The following KCNH8 variants were observed in gnomAD, a reference collection of about 807,000 sequenced individuals.
The protein encoded by KCNH8 is potassium voltage-gated channel subfamily H member 8, also known as voltage-gated delayed rectifier potassium channel KCNH8.
In KCNH8, 70 loss-of-function variants were observed where a neutral mutation model predicts 103.6. The observed-to-expected ratio is 0.68, with a 90% CI of 0.56 to 0.82. The LOEUF (loss-of-function observed/expected upper bound fraction) is 0.82. KCNH8 is among the 40% of genes least tolerant of loss of function. The pLI, the probability that KCNH8 is intolerant of heterozygous loss-of-function variation, is 0.00. For missense variants in KCNH8, 1,217 were observed against 1,329.9 expected, an observed-to-expected ratio of 0.92 and a Z score of 1.32; for synonymous variants, 498 against 489.4, an observed-to-expected ratio of 1.02 and a Z score of -0.23.
Position 19,326,356 on chromosome 3 carries a change from A to AATATATATATATATATATATATATATAT in KCNH8, c.443-16204_443-16203insTATATATATATATATATATATATATATA, listed in dbSNP as rs34714826. ...ACCCCTGAACTTACAATGAAAGTTA[A>AATATATATATATATATATATATATATAT]ATATATATATATATATATATATATA... is the stretch of plus-strand genomic sequence containing the variant. On this transcript the variant is annotated intron_variant, in intron 3 of 15. Transcript: ENST00000328405. 8.1e-4 allele frequency among the ~76,000 whole-genome samples: 110 copies of AATATATATATATATATATATATATATAT among 135,720 alleles called. 1 individual carries two copies. Among genetic ancestry groups the AATATATATATATATATATATATATATAT allele is most frequent in the East Asian group, 1.6e-3 (7 of 4,282 alleles). 89.0% of individuals were successfully genotyped at this position (135,720 alleles called of 152,430 possible).
At chr3:19,221,912 A>G (rs1225237782) in intron 1 of KCNH8, among the ~76,000 whole-genome samples, 1 of 150,834 alleles carries the variant, frequency 6.6e-6, no homozygotes, top group East Asian at 1.9e-4. Context: ...CAATGGCACG[A>G]TGTTGGCTCA....
At chr3:19,345,149 T>A (rs1056777395) in intron 4 of KCNH8, among the ~76,000 whole-genome samples, 2 of 152,116 alleles carry the variant, frequency 1.3e-5, no homozygotes, top group African/African-American at 4.8e-5. Context: ...CTTCCTTGAT[T>A]GTTATTCTGT....
intron 4 of KCNH8, among the ~76,000 whole-genome samples, chr3:19,343,972 T>TGGAG (rs58189684): frequency 0.62 from 92,306 of 149,764 alleles, 29,140 homozygotes; most frequent in African/African-American, 0.77. Context: ...TGTACCACTG[T>TGGAG]GGTCACGCTT....
At chr3:19,178,077 A>G (rs766485736) in intron 1 of KCNH8, among the ~76,000 whole-genome samples, 6 of 152,100 alleles carry the variant, frequency 3.9e-5, no homozygotes, top group Non-Finnish European at 8.8e-5. Context: ...CCTTCTAGCG[A>G]CACTGAATAG....
chr3:19,319,307 T>C (rs2125302669), intron 3 of KCNH8, among the ~76,000 whole-genome samples: 1 of 152,228 alleles, frequency 6.6e-6, no homozygotes, highest in South Asian at 2.1e-4. Flanking sequence ...GGTTTTACAT[T>C]TAAGTATTTG....
chr3:19,268,921 A>G (rs1032330826), intron 2 of KCNH8, among the ~76,000 whole-genome samples: 4 of 152,148 alleles, frequency 2.6e-5, no homozygotes, highest in African/African-American at 7.2e-5. Context: ...AGATTTGGCA[A>G]TATCTTTACT....
intron 11 of KCNH8, 145 bp downstream of exon 11, chr3:19,457,127 TA>T (rs1009661794): frequency 3.0e-5 from 17 of 562,330 alleles, no homozygotes; most frequent in Non-Finnish European, 4.4e-5. Flanking sequence ...GTTAAGCAAT[TA>T]AATAATTAGC....
chr3:19,357,683 T>C (rs1447996410), intron 5 of KCNH8, among the ~76,000 whole-genome samples: 1 of 151,890 alleles, frequency 6.6e-6, no homozygotes, highest in Non-Finnish European at 1.5e-5. Context: ...TGCCATAAAG[T>C]TGTATCTCTG....
intron 1 of KCNH8, among the ~76,000 whole-genome samples, chr3:19,221,230 G>A (rs111628613): frequency 6.6e-6 from 1 of 152,140 alleles, no homozygotes; most frequent in African/African-American, 2.4e-5. Context: ...GAATAAATGG[G>A]CTTGCAAGAT....
In KCNH8 at chr3:19,491,367, C is replaced by T. The variant is rs117678556; in HGVS notation, c.2041-18996C>T. ...TAGCAGTCCCCAGTGTTTATTATTC[C>T]TATGTTTATGTACATGTGTACTCAT... On this transcript the variant is annotated intron_variant, in intron 11 of 15. Coordinates refer to ENST00000328405, the MANE Select transcript of KCNH8 (RefSeq NM_144633.3). Among the ~76,000 whole-genome samples, 367 of 152,232 alleles carry T rather than the reference C, an allele frequency of 2.4e-3. 8 individuals carry two copies. In the East Asian group the frequency reaches 0.065, roughly 27 times the overall value.
intron 1 of KCNH8, among the ~76,000 whole-genome samples, chr3:19,235,695 T>C (rs904631250): frequency 2.0e-5 from 3 of 152,232 alleles, no homozygotes; most frequent in African/African-American, 7.2e-5. Flanking sequence ...TAGTGGATTT[T>C]TCTTAAAAAA....
intron 11 of KCNH8, among the ~76,000 whole-genome samples, chr3:19,503,492 A>G (rs780712625): frequency 8.5e-5 from 13 of 152,204 alleles, no homozygotes; most frequent in African/African-American, 2.2e-4. Context: ...TGTTTATTGC[A>G]GCATTATCCA....
Position 19,505,362 on chromosome 3 carries a change from T to G in KCNH8, c.2041-5001T>G, listed in dbSNP as rs182217993. Among the ~76,000 whole-genome samples the G allele has an allele frequency of 9.9e-5, 15 of 152,206 alleles. No homozygotes were observed. The East Asian group carries it at 2.9e-3, about 29-fold the overall frequency. On this transcript the variant is annotated intron_variant, in intron 11 of 15. Transcript: ENST00000328405. ...AAAATATAATAGGTACTAGGCTTAG[T>G]ACATGGGGAATGAAATAATCTGTAC...
chr3:19,419,509 G>A (rs1575045057), intron 7 of KCNH8, among the ~76,000 whole-genome samples: 1 of 151,576 alleles, frequency 6.6e-6, no homozygotes, highest in South Asian at 2.1e-4. Flanking sequence ...CAATTAAAAT[G>A]TTTTATGTGG....
intron 3 of KCNH8, among the ~76,000 whole-genome samples, chr3:19,318,677 A>T (rs1328532857): frequency 6.7e-6 from 1 of 149,642 alleles, no homozygotes; most frequent in Non-Finnish European, 1.5e-5. Flanking sequence ...ACACACACAC[A>T]CACACACACA....
chr3:19,266,206 C>T (rs1575481173), intron 2 of KCNH8, among the ~76,000 whole-genome samples: 1 of 152,146 alleles, frequency 6.6e-6, no homozygotes, highest in South Asian at 2.1e-4. Flanking sequence ...TAGTCCCAGC[C>T]TACAATCTCT....
intron 5 of KCNH8, among the ~76,000 whole-genome samples, chr3:19,384,722 T>G (rs1276582633): frequency 6.6e-6 from 1 of 152,162 alleles, no homozygotes; most frequent in Non-Finnish European, 1.5e-5. Flanking sequence ...TGGTGGGAAT[T>G]GTGCATATTT....
chr3:19,291,935 T>C lies in KCNH8; in HGVS notation c.442+10606T>C, dbSNP rs541856233. Among the ~76,000 whole-genome samples the C allele has an allele frequency of 9.8e-5, 15 of 152,354 alleles. No individual in the cohort carries two copies. The South Asian group carries it at 2.7e-3, about 27-fold the overall frequency. Reference sequence around the variant, plus strand: ...AATAGAAACTGAGTAAATACTTTCTTATTAATTAATTGTATTCAATTGCCC... The same window carrying C: ...AATAGAAACTGAGTAAATACTTTCTCATTAATTAATTGTATTCAATTGCCC... On this transcript the variant is annotated intron_variant, in intron 3 of 15. Coordinates refer to ENST00000328405, the MANE Select transcript of KCNH8 (RefSeq NM_144633.3).
intron 3 of KCNH8, among the ~76,000 whole-genome samples, chr3:19,289,747 A>G (rs569260939): frequency 2.0e-3 from 309 of 152,224 alleles, no homozygotes; most frequent in Non-Finnish European, 3.2e-3. Flanking sequence ...TTGGTTCCAT[A>G]TGAATTTTAA....
Sources: allele counts gnomAD v4.1 joint callset (sites outside exome capture counted in the v4.1 genomes callset), GRCh38; gene constraint gnomAD v4.1.1; transcripts MANE v1.5; gene names NCBI Gene and HGNC (gene_info 2026-07-23, HGNC 2026-07-21).